Variants in SAMD5 observed in about 807,000 individuals in gnomAD.
SAMD5 encodes sterile alpha motif domain containing 5, also known as sterile alpha motif domain-containing protein 5.
Under a neutral mutation model 11.3 loss-of-function variants are expected in SAMD5, and 13 were observed. That is an observed-to-expected ratio of 1.15 (90% CI 0.75 to 1.83). SAMD5 has a LOEUF of 1.83. Ranked by LOEUF, SAMD5 falls within the 40% of genes most tolerant of loss-of-function variation. SAMD5 has a pLI of 0.00. For synonymous variants in SAMD5, 129 were observed against 111.3 expected (o/e 1.16, Z -1.00); for missense variants, 255 against 239.1 (o/e 1.07, Z -0.44).
the SAMD5 span, among the ~76,000 whole-genome samples, chr6:147,846,322 TATTTA>T: frequency 6.6e-6 from 1 of 152,182 alleles, no homozygotes; most frequent in Non-Finnish European, 1.5e-5. Context: ...CAAAGCCATG[TATTTA>T]ATTAAATTGC....
chr6:147,524,074 C>A (rs1208001119), intron 1 of SAMD5, among the ~76,000 whole-genome samples: 1 of 152,200 alleles, frequency 6.6e-6, no homozygotes, highest in Non-Finnish European at 1.5e-5. Context: ...ATTGCAGTGT[C>A]ATTTTAAGTC....
At chr6:147,861,822 A>T in the SAMD5 span, among the ~76,000 whole-genome samples, 1 of 152,174 alleles carries the variant, frequency 6.6e-6, no homozygotes, top group Admixed American at 6.5e-5. Flanking sequence ...CTCTGAGGGG[A>T]TGCCCCTCAT....
At chr6:147,756,571 A>T in the SAMD5 span, among the ~76,000 whole-genome samples, 1 of 152,224 alleles carries the variant, frequency 6.6e-6, no homozygotes, top group Non-Finnish European at 1.5e-5. Flanking sequence ...TTCTTGCAAC[A>T]TAGTTACTTT....
intron 1 of SAMD5, among the ~76,000 whole-genome samples, chr6:147,564,182 T>C (rs1480300053): frequency 6.6e-6 from 1 of 152,172 alleles, no homozygotes; most frequent in Non-Finnish European, 1.5e-5. Context: ...AATATAGGCT[T>C]GACAAGGATA....
the SAMD5 span, among the ~76,000 whole-genome samples, chr6:147,938,454 T>A: frequency 6.6e-6 from 1 of 151,928 alleles, no homozygotes; most frequent in Admixed American, 6.6e-5. Context: ...ACTCATGGAG[T>A]TTATAGACTA....
At chr6:147,556,564 T>C (rs114238873) in intron 1 of SAMD5, among the ~76,000 whole-genome samples, 2 of 152,218 alleles carry the variant, frequency 1.3e-5, no homozygotes, top group South Asian at 4.1e-4. Context: ...ATGGCCGGGA[T>C]ACAACATTGC....
At chr6:147,686,038 A>G (rs1791006459) in intron 1 of SAMD5, among the ~76,000 whole-genome samples, 1 of 152,228 alleles carries the variant, frequency 6.6e-6, no homozygotes, top group Admixed American at 6.5e-5. Flanking sequence ...AAATTTGTGT[A>G]TATCAAAGCC....
chr6:147,934,223 A>T, the SAMD5 span, among the ~76,000 whole-genome samples: 1 of 152,290 alleles, frequency 6.6e-6, no homozygotes, highest in African/African-American at 2.4e-5. Context: ...TAATAGGAGA[A>T]TTTTCCCACA....
chr6:147,755,702 C>G, the SAMD5 span, among the ~76,000 whole-genome samples: 1 of 151,958 alleles, frequency 6.6e-6, no homozygotes, highest in African/African-American at 2.4e-5. Context: ...TTAACCTAGA[C>G]GAGTTGAAGA....
At chr6:147,899,649 T>C in the SAMD5 span, among the ~76,000 whole-genome samples, 2 of 152,228 alleles carry the variant, frequency 1.3e-5, no homozygotes, top group Non-Finnish European at 2.9e-5. Context: ...TTCTATTCAT[T>C]CACATTACCG....
chr6:147,676,981 A>C (rs1196811579), intron 1 of SAMD5, among the ~76,000 whole-genome samples: 1 of 152,122 alleles, frequency 6.6e-6, no homozygotes, highest in Non-Finnish European at 1.5e-5. Flanking sequence ...ATATAAATGG[A>C]CTGGCTTTGC....
chr6:147,720,744 A>T (rs905463432), intron 1 of SAMD5, among the ~76,000 whole-genome samples: 1 of 151,660 alleles, frequency 6.6e-6, no homozygotes, highest in East Asian at 1.9e-4. Context: ...CATGTGCACA[A>T]TGTGCAGGTT....
intron 1 of SAMD5, among the ~76,000 whole-genome samples, chr6:147,636,699 C>A (rs1790235346): frequency 6.6e-6 from 1 of 152,108 alleles, no homozygotes. Context: ...AAGATCCAAG[C>A]CTCTCAAATT....
At chr6:147,764,903 G>A in the SAMD5 span, among the ~76,000 whole-genome samples, 2 of 151,938 alleles carry the variant, frequency 1.3e-5, no homozygotes, top group Non-Finnish European at 2.9e-5. Context: ...CCTTCTCTTT[G>A]TATGCACGGT....
intron 1 of SAMD5, among the ~76,000 whole-genome samples, chr6:147,722,027 G>T (rs917822477): frequency 6.6e-6 from 1 of 152,074 alleles, no homozygotes; most frequent in Non-Finnish European, 1.5e-5. Flanking sequence ...AAATATGCTT[G>T]GTATTATTTC....
At chr6:147,714,288 C>A (rs897558933) in intron 1 of SAMD5, among the ~76,000 whole-genome samples, 3 of 152,204 alleles carry the variant, frequency 2.0e-5, no homozygotes, top group African/African-American at 7.2e-5. Flanking sequence ...AATAGACTTT[C>A]TGACTTAGTC....
chr6:147,609,651 G>T (rs1488254167), intron 1 of SAMD5, among the ~76,000 whole-genome samples: 3 of 152,080 alleles, frequency 2.0e-5, no homozygotes, highest in Admixed American at 6.6e-5. Flanking sequence ...CCGCTTCCCA[G>T]GTTCAAGCGA....
chr6:147,871,452 C>A, the SAMD5 span, among the ~76,000 whole-genome samples: 1 of 151,936 alleles, frequency 6.6e-6, no homozygotes, highest in African/African-American at 2.4e-5. Flanking sequence ...AAAACAAAAA[C>A]AAAAACAGGA....
In SAMD5 at chr6:147,551,373, A is replaced by C. The variant is rs1487784141; in HGVS notation, c.460-13021A>C. Among the ~76,000 whole-genome samples the C allele has an allele frequency of 1.3e-5, 2 of 152,206 alleles. 1 individual carries two copies. Among genetic ancestry groups the C allele is most frequent in the African/African-American group, 4.8e-5 (2 of 41,460 alleles). ...TGCTCTACTTTGTGGGGTGAAGGAGAGAAATTAAGGGGGAATGTAATTTTG... is the reference window on the plus strand; with the variant it reads ...TGCTCTACTTTGTGGGGTGAAGGAGCGAAATTAAGGGGGAATGTAATTTTG... On this transcript the variant is annotated intron_variant, in intron 1 of 1. Transcript: ENST00000367474.
Sources: allele counts gnomAD v4.1 joint callset (sites outside exome capture counted in the v4.1 genomes callset), GRCh38; gene constraint gnomAD v4.1.1; transcripts MANE v1.5; gene names NCBI Gene and HGNC (gene_info 2026-07-23, HGNC 2026-07-21).